The following TLN2 variants were observed in gnomAD, a reference collection of about 807,000 sequenced individuals.
TLN2 encodes talin-2.
TLN2 carries 118 observed loss-of-function variants against 294.7 expected under a neutral mutation model. That is an observed-to-expected ratio of 0.40 (90% CI 0.34 to 0.47). The LOEUF is 0.47. Among genes scored for constraint, TLN2 ranks in the 20% least tolerant of loss-of-function variants. The pLI, the probability that TLN2 is intolerant of heterozygous loss-of-function variation, is 0.84. For missense variants in TLN2, 3,083 were observed against 3,282.2 expected (o/e 0.94, Z 1.48); for synonymous variants, 1,431 against 1,304.5 (o/e 1.10, Z -2.09).
intron 3 of TLN2, among the ~76,000 whole-genome samples, chr15:62,630,464 A>G (rs1596400494): frequency 6.6e-6 from 1 of 152,322 alleles, no homozygotes; most frequent in East Asian, 1.9e-4. Context: ...GGTGGGACTT[A>G]GCCCTAAGAG....
At chr15:62,784,125 CAGA>C in intron 45 of TLN2, 2 of 610,708 alleles carry the variant, frequency 3.3e-6, no homozygotes, top group Non-Finnish European at 5.4e-6. Context: ...GGCTTTCAGA[CAGA>C]AGGACTTTGT....
At position 62,835,402 on chromosome 15, in the gene TLN2, G is replaced by C. The variant is rs2069405482; in HGVS notation, c.7129-335G>C. Reference sequence around the variant, plus strand: ...TAGTGGCTCCCACATATGAAATGGAGAAAGCTCAGCAGAGGAGTAAGTGTA... The same window carrying C: ...TAGTGGCTCCCACATATGAAATGGACAAAGCTCAGCAGAGGAGTAAGTGTA... On this transcript the variant is annotated intron_variant, in intron 55 of 58. Transcript: ENST00000636159. The C allele has an allele frequency of 1.5e-5, 5 of 329,296 alleles. No homozygotes were observed. The Admixed American group carries it at 1.8e-4, about 12-fold the overall frequency. 20.4% of individuals were successfully genotyped at this position (329,296 alleles called of 1,614,324 possible).
chr15:62,740,786 A>G lies in TLN2; in HGVS notation c.4025+17A>G, dbSNP rs573941761. 35 of 1,613,996 alleles carry G rather than the reference A, an allele frequency of 2.2e-5. No individual in the cohort carries two copies. The Middle Eastern group carries it at 5.0e-4, about 23-fold the overall frequency. ...AGCTGCAAGGTAGGAGTGGGACACAATGTGCTTTCGTGTGTGGTTAGACAG... is the reference window on the plus strand; with the variant it reads ...AGCTGCAAGGTAGGAGTGGGACACAGTGTGCTTTCGTGTGTGGTTAGACAG... On this transcript the variant is annotated intron_variant, in intron 32 of 58. Transcript: ENST00000636159.
At chr15:62,673,135 T>G (rs748195639) in intron 9 of TLN2, among the ~76,000 whole-genome samples, 1 of 148,582 alleles carries the variant, frequency 6.7e-6, no homozygotes, top group Non-Finnish European at 1.5e-5. Flanking sequence ...GATGTTAATT[T>G]TAAATACTAA....
chr15:62,833,019 T>C (rs1441062236), intron 54 of TLN2: 1 of 152,250 alleles, frequency 6.6e-6, no homozygotes, highest in Non-Finnish European at 1.5e-5. Context: ...AATGAGTCTG[T>C]CTGCAAATTT....
intron 28 of TLN2, among the ~76,000 whole-genome samples, chr15:62,734,769 T>C (rs1188700491): frequency 1.3e-5 from 2 of 152,246 alleles, no homozygotes; most frequent in Non-Finnish European, 2.9e-5. Context: ...CTGTGTGATT[T>C]ACTAAATATT....
chr15:62,611,524 G>A (rs555327415), intron 2 of TLN2, among the ~76,000 whole-genome samples: 1 of 152,292 alleles, frequency 6.6e-6, no homozygotes, highest in South Asian at 2.1e-4. Context: ...GAACATTTGG[G>A]GACTTGACCA....
At chr15:62,568,777 C>G (rs2043620922) in intron 1 of TLN2, among the ~76,000 whole-genome samples, 1 of 152,220 alleles carries the variant, frequency 6.6e-6, no homozygotes, top group Admixed American at 6.5e-5. Flanking sequence ...TCCTCCTGAG[C>G]TCTCCTGCAG....
intron 1 of TLN2, among the ~76,000 whole-genome samples, chr15:62,451,473 G>C (rs1289475537): frequency 6.6e-6 from 1 of 152,066 alleles, no homozygotes; most frequent in Non-Finnish European, 1.5e-5. Flanking sequence ...TGGCTAACAT[G>C]GGTGAAACCC....
intron 1 of TLN2, among the ~76,000 whole-genome samples, chr15:62,395,358 C>A (rs941566991): frequency 6.6e-6 from 1 of 152,020 alleles, no homozygotes; most frequent in Admixed American, 6.6e-5. Context: ...TCTCTTCTCA[C>A]CTTCTCTAGT....
intron 1 of TLN2, among the ~76,000 whole-genome samples, chr15:62,467,645 A>T (rs2037215842): frequency 6.6e-6 from 1 of 152,074 alleles, no homozygotes; most frequent in South Asian, 2.1e-4. Flanking sequence ...AGATTGCGCC[A>T]TTGCACTCCA....
chr15:62,463,033 G>A (rs1333018118), intron 1 of TLN2, among the ~76,000 whole-genome samples: 14 of 152,150 alleles, frequency 9.2e-5, no homozygotes, highest in Admixed American at 7.9e-4. Flanking sequence ...CTTATTCCCC[G>A]TCAGAGTAGG....
At chr15:62,685,604 C>T (rs995802998) in intron 11 of TLN2, among the ~76,000 whole-genome samples, 5 of 152,144 alleles carry the variant, frequency 3.3e-5, no homozygotes, top group African/African-American at 1.2e-4. Context: ...CACTAGTGAC[C>T]CGCTTCACAT....
intron 57 of TLN2, among the ~76,000 whole-genome samples, chr15:62,837,539 G>T (rs2069864078): frequency 6.6e-6 from 1 of 152,154 alleles, no homozygotes; most frequent in South Asian, 2.1e-4. Flanking sequence ...ATAGAATGCA[G>T]CATCACTCTT....
intron 2 of TLN2, among the ~76,000 whole-genome samples, chr15:62,606,731 T>C (rs958505238): frequency 3.3e-5 from 5 of 152,200 alleles, no homozygotes; most frequent in African/African-American, 9.6e-5. Flanking sequence ...GCCATTGATT[T>C]TGAAATTGGG....
At chr15:62,518,934 G>A (rs2040322018) in intron 1 of TLN2, among the ~76,000 whole-genome samples, 1 of 152,148 alleles carries the variant, frequency 6.6e-6, no homozygotes, top group Admixed American at 6.5e-5. Flanking sequence ...GTGGTATAAT[G>A]ATTTAAGATT....
intron 12 of TLN2, chr15:62,688,063 G>C (rs1264572069): frequency 6.6e-6 from 1 of 152,134 alleles, no homozygotes; most frequent in African/African-American, 2.4e-5. Context: ...GTAGGACAGG[G>C]AACAACTGTG....
At chr15:62,410,462 A>T (rs566652281) in intron 1 of TLN2, among the ~76,000 whole-genome samples, 16 of 152,176 alleles carry the variant, frequency 1.1e-4, no homozygotes, top group African/African-American at 3.6e-4. Context: ...ACCTGATTTT[A>T]AAAAAAAGGT....
chr15:62,711,924 C>T lies in TLN2; in HGVS notation c.2481C>T (p.Arg827=), dbSNP rs770147715. Reference sequence around the variant, plus strand: ...TCTGTCTTCTAGGTGAAATGGTGCGCCAGGCGCGGGTTCTGGCCCAAGCCA... The same window carrying T: ...TCTGTCTTCTAGGTGAAATGGTGCGTCAGGCGCGGGTTCTGGCCCAAGCCA... The part of the protein sequence containing the change: ...SSMGDAGEMV[R]QARVLAQATS... Residue 827 remains arginine (R), a synonymous_variant, in exon 22 of 59, where the codon CGC becomes CGT. Transcript: ENST00000636159. 2.6e-5 allele frequency: 41 copies of T among 1,607,386 alleles called. No homozygotes were observed. Among genetic ancestry groups the T allele is most frequent in the Middle Eastern group, 1.7e-4 (1 of 5,986 alleles).
Sources: allele counts gnomAD v4.1 joint callset (sites outside exome capture counted in the v4.1 genomes callset), GRCh38; gene constraint gnomAD v4.1.1; transcripts MANE v1.5; gene names NCBI Gene and HGNC (gene_info 2026-07-23, HGNC 2026-07-21).